Variants in PRRG1 observed in about 807,000 individuals in gnomAD.
The protein encoded by PRRG1 is transmembrane gamma-carboxyglutamic acid protein 1.
Under a neutral mutation model 11.8 loss-of-function variants are expected in PRRG1, and 5 were observed. The observed-to-expected ratio is 0.42, with a 90% CI of 0.22 to 0.89. The LOEUF (loss-of-function observed/expected upper bound fraction) is 0.89, where lower values mean the gene tolerates loss of function less well. Among genes scored for constraint, PRRG1 ranks in the 40% least tolerant of loss-of-function variants. PRRG1 has a pLI of 0.28. For missense variants in PRRG1, 155 were observed against 166.1 expected, an observed-to-expected ratio of 0.93 and a Z score of 0.37; for synonymous variants, 66 against 60.4, an observed-to-expected ratio of 1.09 and a Z score of -0.43.
intron 1 of PRRG1, among the ~76,000 whole-genome samples, chrX:37,369,938 G>A (rs782447767): frequency 1.0e-3 from 112 of 110,288 alleles, no homozygotes; most frequent in Middle Eastern, 9.4e-3. Flanking sequence ...GTGGAACTGT[G>A]AGTCCATTAA....
chrX:37,452,090 A>G (rs1408647967), intron 3 of PRRG1, among the ~76,000 whole-genome samples: 2 of 112,519 alleles, frequency 1.8e-5, no homozygotes, highest in Non-Finnish European at 3.7e-5. Flanking sequence ...ATACCTGCAA[A>G]TAAACATGAT....
rs1160728073 is a variant in PRRG1, at chrX:37,454,815, A to C, written c.*1194A>C. On this transcript the variant is annotated 3_prime_UTR_variant, in exon 4 of 4. Coordinates refer to ENST00000378628, the MANE Select transcript of PRRG1 (RefSeq NM_001142395.2). ...TGTATTTTCATCAGGTATTTTTTTA[A>C]CTGTAGGGTTTTTACTTTTTTCTTG... 9.0e-6 allele frequency: 1 copy of C among 111,675 alleles called. No individual in the cohort carries two copies. Among genetic ancestry groups the C allele is most frequent in the Non-Finnish European group, 1.9e-5 (1 of 53,175 alleles). The allele number at this position is 111,675 out of a possible 1,213,427, so 9.2% of individuals were successfully genotyped here.
At chrX:37,423,966 G>T (rs183588452) in intron 2 of PRRG1, among the ~76,000 whole-genome samples, 1 of 111,247 alleles carries the variant, frequency 9.0e-6, no homozygotes, top group East Asian at 2.8e-4. Flanking sequence ...ATAGTATTCA[G>T]TATAGTAACA....
At chrX:37,444,555 G>A (rs1037359550) in intron 3 of PRRG1, among the ~76,000 whole-genome samples, 15 of 111,873 alleles carry the variant, frequency 1.3e-4, no homozygotes, top group African/African-American at 4.9e-4. Context: ...ACTTACAGCA[G>A]TGCCTGGCAT....
intron 1 of PRRG1, among the ~76,000 whole-genome samples, chrX:37,400,667 A>G (rs1272777102): frequency 3.6e-5 from 4 of 111,561 alleles, no homozygotes; most frequent in Non-Finnish European, 7.5e-5. Flanking sequence ...GACACAAAAA[A>G]CCCTTCAAAA....
chrX:37,408,158 C>T (rs1932238887), intron 2 of PRRG1, among the ~76,000 whole-genome samples: 1 of 111,857 alleles, frequency 8.9e-6, no homozygotes, highest in Non-Finnish European at 1.9e-5. Context: ...TGATACGGCT[C>T]CAATGACTGG....
At chrX:37,353,280 A>G in intron 1 of PRRG1, among the ~76,000 whole-genome samples, 1 of 112,144 alleles carries the variant, frequency 8.9e-6, no homozygotes, top group Non-Finnish European at 1.9e-5. Context: ...AAATAGATAA[A>G]AACTTATGGA....
At chrX:37,445,540 A>T (rs782197816) in intron 3 of PRRG1, among the ~76,000 whole-genome samples, 1 of 112,463 alleles carries the variant, frequency 8.9e-6, no homozygotes, top group South Asian at 3.7e-4. Context: ...TTGAACTTAA[A>T]CAACTTACTC....
At chrX:37,432,288 C>A (rs782664496) in intron 3 of PRRG1, among the ~76,000 whole-genome samples, 72 of 100,013 alleles carry the variant, frequency 7.2e-4, no homozygotes, top group Admixed American at 6.5e-3. Flanking sequence ...GGCTTTCACC[C>A]TGTTAGCCAG....
intron 3 of PRRG1, among the ~76,000 whole-genome samples, chrX:37,439,173 C>G (rs1375499411): frequency 8.9e-6 from 1 of 112,024 alleles, no homozygotes; most frequent in East Asian, 2.8e-4. Context: ...CCAGTAGATC[C>G]AAAGAAGGCT....
intron 3 of PRRG1, among the ~76,000 whole-genome samples, chrX:37,427,422 C>T (rs1196849716): frequency 8.9e-6 from 1 of 111,986 alleles, no homozygotes; most frequent in African/African-American, 3.2e-5. Flanking sequence ...AAAGTTTCCT[C>T]TCACCCCTTT....
At chrX:37,424,803 G>A (rs1229633604) in intron 2 of PRRG1, among the ~76,000 whole-genome samples, 1 of 111,176 alleles carries the variant, frequency 9.0e-6, no homozygotes, top group Non-Finnish European at 1.9e-5. Context: ...CTATAACAAA[G>A]CAAAACTTTA....
chrX:37,406,185 G>T lies in PRRG1; in HGVS notation c.-41-24G>T. On this transcript the variant is annotated intron_variant, in intron 1 of 3. Coordinates refer to ENST00000378628, the MANE Select transcript of PRRG1 (RefSeq NM_001142395.2). ...ACTCAGCCTCTATCAATCTGACTGT[G>T]TGTATGTGCTCTGTTTTGTACAGGG... 3 of 1,203,292 alleles carry T rather than the reference G, an allele frequency of 2.5e-6. No individual in the cohort carries two copies. In the Middle Eastern group the frequency reaches 6.9e-4, roughly 278 times the overall value.
At chrX:37,385,610 TCA>T (rs1210121763) in intron 1 of PRRG1, among the ~76,000 whole-genome samples, 1 of 111,005 alleles carries the variant, frequency 9.0e-6, no homozygotes, top group Non-Finnish European at 1.9e-5. Flanking sequence ...ATTTGTTATC[TCA>T]CACAGTTTCT....
chrX:37,437,311 GGGA>G (rs1932896264), intron 3 of PRRG1, among the ~76,000 whole-genome samples: 1 of 110,895 alleles, frequency 9.0e-6, no homozygotes, highest in African/African-American at 3.3e-5. Flanking sequence ...AGGGCGGGGG[GGGA>G]GGTGCTCTCC....
intron 3 of PRRG1, among the ~76,000 whole-genome samples, chrX:37,447,938 T>C (rs1556395632): frequency 8.9e-6 from 1 of 112,194 alleles, no homozygotes; most frequent in Admixed American, 9.4e-5. Context: ...CTCTCCTTAA[T>C]GATATAAAAG....
chrX:37,371,376 C>T (rs1930757783), intron 1 of PRRG1, among the ~76,000 whole-genome samples: 2 of 112,031 alleles, frequency 1.8e-5, no homozygotes, highest in Admixed American at 1.9e-4. Flanking sequence ...GCCTTGCTCG[C>T]CCTCCATTTG....
chrX:37,356,606 T>C (rs1226157081), intron 1 of PRRG1, among the ~76,000 whole-genome samples: 10 of 111,109 alleles, frequency 9.0e-5, no homozygotes, highest in African/African-American at 3.3e-4. Context: ...ACTGGCCATG[T>C]TGAGTTAGAG....
chrX:37,403,460 C>T lies in PRRG1; in HGVS notation c.-41-2749C>T, dbSNP rs1303719408. On this transcript the variant is annotated intron_variant, in intron 1 of 3. Transcript: ENST00000378628. ...CACATGGACACAGGAAGGGGAACAT[C>T]ACACTCTGGGGACTGTTGTGGGGTG... Among the ~76,000 whole-genome samples the T allele has an allele frequency of 2.1e-4, 16 of 75,891 alleles. 1 individual carries two copies. The highest frequency in any genetic ancestry group is 3.2e-4 in the Non-Finnish European group (14 of 43,346). 65.9% of individuals were successfully genotyped at this position (75,891 alleles called of 115,157 possible).
Sources: gnomAD v4.1 joint callset for allele counts (sites outside exome capture counted in the v4.1 genomes callset) on GRCh38, gnomAD v4.1.1 for gene constraint, MANE v1.5 for transcripts, NCBI Gene and HGNC (gene_info 2026-07-23, HGNC 2026-07-21) for gene names.